The following CTNNA2 variants were observed in gnomAD, a reference collection of about 807,000 sequenced individuals.
CTNNA2 encodes catenin alpha-2.
In CTNNA2, 42 loss-of-function variants were observed where a neutral mutation model predicts 101.0. The ratio of observed to expected loss-of-function variants is 0.42; its 90% CI spans 0.32 to 0.54. CTNNA2 has a LOEUF of 0.54. CTNNA2 is among the 20% of genes least tolerant of loss of function. CTNNA2 has a pLI of 0.14. For missense variants in CTNNA2, 871 were observed against 1,223.1 expected, an observed-to-expected ratio of 0.71 and a Z score of 4.29; for synonymous variants, 450 against 456.4, an observed-to-expected ratio of 0.99 and a Z score of 0.18.
intron 8 of CTNNA2, among the ~76,000 whole-genome samples, chr2:80,395,824 C>T (rs1369137423): frequency 5.9e-5 from 9 of 152,118 alleles, no homozygotes; most frequent in Admixed American, 3.3e-4. Flanking sequence ...CACATGTATT[C>T]CTTTGTATAA....
chr2:79,189,659 A>G (rs1463868855), intron 1 of CTNNA2, among the ~76,000 whole-genome samples: 4 of 152,198 alleles, frequency 2.6e-5, no homozygotes, highest in Non-Finnish European at 5.9e-5. Flanking sequence ...GGCTTTACAC[A>G]AAGGAAAAGT....
intron 6 of CTNNA2, among the ~76,000 whole-genome samples, chr2:79,891,560 G>A (rs916357542): frequency 6.6e-6 from 1 of 152,114 alleles, no homozygotes; most frequent in Admixed American, 6.5e-5. Flanking sequence ...GGTCTCTTAG[G>A]GAGGAGAAGA....
rs149874816 is a variant in CTNNA2, at chr2:80,223,801, C to T, written c.1057-169410C>T. The stretch of plus-strand genomic sequence containing the variant: ...CCATTTAAGGCTTTGAATCAATGCT[C>T]ATGCCTGTGGCTTCAGATGTGACTG... On this transcript the variant is annotated intron_variant, in intron 7 of 18. Coordinates refer to ENST00000402739, the MANE Select transcript of CTNNA2 (RefSeq NM_001282597.3). Among the ~76,000 whole-genome samples, 761 of 152,292 alleles carry T rather than the reference C, an allele frequency of 5.0e-3. 7 individuals are homozygous for T. Among genetic ancestry groups the T allele is most frequent in the African/African-American group, 0.017 (718 of 41,562 alleles).
At chr2:79,782,790 G>C (rs2105209277) in intron 3 of CTNNA2, among the ~76,000 whole-genome samples, 1 of 152,254 alleles carries the variant, frequency 6.6e-6, no homozygotes, top group South Asian at 2.1e-4. Context: ...CTACCGGTCA[G>C]TTTGGGGCCT....
Position 80,280,395 on chromosome 2 carries a change from T to G in CTNNA2, c.1057-112816T>G, listed in dbSNP as rs80199149. On this transcript the variant is annotated intron_variant, in intron 7 of 18. Transcript: ENST00000402739. ...ACATATCAACTTAAATTCTGGAGCC[T>G]TAGATAGGTAATACAGCAAAAACAT... Among the ~76,000 whole-genome samples, 1,232 of 151,616 alleles carry G rather than the reference T, an allele frequency of 8.1e-3. 11 individuals carry two copies. Among genetic ancestry groups the G allele is most frequent in the African/African-American group, 0.028 (1,164 of 41,390 alleles).
intron 7 of CTNNA2, among the ~76,000 whole-genome samples, chr2:80,284,428 G>A (rs572644974): frequency 8.5e-5 from 13 of 152,160 alleles, no homozygotes; most frequent in Non-Finnish European, 1.6e-4. Context: ...CCTTGACTGA[G>A]CCCAAAAAGG....
chr2:79,211,275 A>G (rs1185818284), intron 2 of CTNNA2, among the ~76,000 whole-genome samples: 1 of 152,190 alleles, frequency 6.6e-6, no homozygotes. Flanking sequence ...TACAACTGAG[A>G]GCTGAAAAAC....
rs373835769 is a variant in CTNNA2 at position 79,283,784 on chromosome 2, A to G, written c.-405-28925A>G. Among the ~76,000 whole-genome samples the G allele has an allele frequency of 3.2e-4, 34 of 106,168 alleles. No homozygotes were observed. The East Asian group carries it at 0.011, about 33-fold the overall frequency. 69.7% of individuals were successfully genotyped at this position (106,168 alleles called of 152,430 possible). A position where few individuals can be genotyped will look rare whatever the true frequency, so the allele number is the denominator to read the frequency against. ...TATGAACTTTAAAGTAGTTTTTTCC[A>G]ATTCTGTGAAGAAAGGCATTGGTAG... On this transcript the variant is annotated intron_variant, in intron 2 of 21. Coordinates refer to the CTNNA2 transcript ENST00000466387.
chr2:79,683,707 A>G (rs993618353), intron 2 of CTNNA2, among the ~76,000 whole-genome samples: 2 of 151,070 alleles, frequency 1.3e-5, no homozygotes, highest in East Asian at 1.9e-4. Context: ...AATTTTTTGA[A>G]GTGGAACTTC....
chr2:80,063,009 C>A, intron 7 of CTNNA2, among the ~76,000 whole-genome samples: 1 of 152,164 alleles, frequency 6.6e-6, no homozygotes, highest in East Asian at 1.9e-4. Flanking sequence ...CCGGCCAAAG[C>A]ACTGTGGCCC....
chr2:79,276,877 G>T (rs1251446494), intron 2 of CTNNA2, among the ~76,000 whole-genome samples: 6 of 152,038 alleles, frequency 3.9e-5, no homozygotes, highest in Non-Finnish European at 8.8e-5. Context: ...CTTCTTCACT[G>T]TGGTCATCAC....
At chr2:80,310,971 TCA>T (rs1677517066) in intron 7 of CTNNA2, among the ~76,000 whole-genome samples, 1 of 79,774 alleles carries the variant, frequency 1.3e-5, no homozygotes, top group Admixed American at 1.5e-4. Context: ...AGACTCCATC[TCA>T]AAAAAAAAAA....
At chr2:80,093,115 AT>A (rs1699892867) in intron 7 of CTNNA2, among the ~76,000 whole-genome samples, 2 of 151,950 alleles carry the variant, frequency 1.3e-5, no homozygotes, top group African/African-American at 4.8e-5. Context: ...TTAACTCATC[AT>A]TTAGCATTAG....
At chr2:79,553,297 G>A (rs1674229110) in intron 1 of CTNNA2, among the ~76,000 whole-genome samples, 1 of 152,132 alleles carries the variant, frequency 6.6e-6, no homozygotes, top group Non-Finnish European at 1.5e-5. Context: ...CATTCAACAA[G>A]TCTCTAGGAC....
chr2:80,022,109 G>A lies in CTNNA2; in HGVS notation c.1056+112312G>A, dbSNP rs181157353. 2.8e-3 allele frequency among the ~76,000 whole-genome samples: 433 copies of A among 152,284 alleles called. 6 individuals carry two copies. Among genetic ancestry groups the A allele is most frequent in the Non-Finnish European group, 1.4e-3 (93 of 68,018 alleles). On this transcript the variant is annotated intron_variant, in intron 7 of 18. Transcript: ENST00000402739. ...AAATGGGAATTTTCAAAGCATAAGT[G>A]TAAAGAAACCTGCAGCTATAGTGCT... is the stretch of plus-strand genomic sequence containing the variant.
intron 9 of CTNNA2, among the ~76,000 whole-genome samples, chr2:80,476,255 C>T (rs969556017): frequency 7.5e-4 from 114 of 152,114 alleles, no homozygotes; most frequent in African/African-American, 2.6e-3. Context: ...CTCGGGGACA[C>T]TCTCTCATGT....
intron 1 of CTNNA2, among the ~76,000 whole-genome samples, chr2:79,641,456 A>T (rs917425952): frequency 6.6e-6 from 1 of 152,214 alleles, no homozygotes; most frequent in Non-Finnish European, 1.5e-5. Context: ...ATTCCTCAAG[A>T]TATGTTACCT....
chr2:79,573,199 T>C (rs1675567927), intron 1 of CTNNA2, among the ~76,000 whole-genome samples: 1 of 152,194 alleles, frequency 6.6e-6, no homozygotes, highest in South Asian at 2.1e-4. Flanking sequence ...AGGCTGAATC[T>C]GTGTAAAGCA....
chr2:79,554,094 A>G (rs187566984), intron 1 of CTNNA2, among the ~76,000 whole-genome samples: 4 of 152,162 alleles, frequency 2.6e-5, no homozygotes, highest in Admixed American at 6.5e-5. Flanking sequence ...CTTGCATGCA[A>G]TGACCTGTGA....
Sources: allele counts gnomAD v4.1 joint callset (sites outside exome capture counted in the v4.1 genomes callset), GRCh38; gene constraint gnomAD v4.1.1; transcripts MANE v1.5; gene names NCBI Gene and HGNC (gene_info 2026-07-23, HGNC 2026-07-21).